Variants in KIF16B observed in about 807,000 individuals in gnomAD.
KIF16B encodes kinesin family member 16B.
Under a neutral mutation model 156.3 loss-of-function variants are expected in KIF16B, and 98 were observed. The observed-to-expected ratio is 0.63, with a 90% CI of 0.53 to 0.74. The LOEUF is 0.74. KIF16B is among the 30% of genes least tolerant of loss of function. KIF16B has a pLI of 0.00. For missense variants in KIF16B, 1,421 were observed against 1,606.5 expected (o/e 0.88, Z 1.97); for synonymous variants, 564 against 583.7 (o/e 0.97, Z 0.49).
intron 10 of KIF16B, among the ~76,000 whole-genome samples, chr20:16,501,037 T>C (rs1417886445): frequency 6.6e-6 from 1 of 152,136 alleles, no homozygotes; most frequent in East Asian, 1.9e-4. Flanking sequence ...TACATTTAAA[T>C]ATAATAAAAG....
chr20:16,382,122 G>T, intron 17 of KIF16B: 1 of 1,353,896 alleles, frequency 7.4e-7, no homozygotes, highest in South Asian at 1.2e-5. Context: ...TCCTTTTATA[G>T]GGAAAAGACT....
chr20:16,285,479 C>T (rs2063209773), intron 25 of KIF16B, among the ~76,000 whole-genome samples: 1 of 152,102 alleles, frequency 6.6e-6, no homozygotes, highest in South Asian at 2.1e-4. Flanking sequence ...AGTTTTTTTG[C>T]GTATCTTTCT....
intron 22 of KIF16B, among the ~76,000 whole-genome samples, chr20:16,361,283 A>G (rs1371894155): frequency 9.2e-5 from 14 of 152,188 alleles, no homozygotes. Context: ...AGAGACGACG[A>G]AGATTTGGGG....
chr20:16,371,217 T>G (rs1319357844), intron 21 of KIF16B, among the ~76,000 whole-genome samples: 6 of 152,178 alleles, frequency 3.9e-5, no homozygotes, highest in Non-Finnish European at 5.9e-5. Context: ...TCTAGAACAT[T>G]CCACATCTGA....
chr20:16,361,384 T>C (rs2064549098), intron 22 of KIF16B, among the ~76,000 whole-genome samples: 1 of 152,176 alleles, frequency 6.6e-6, no homozygotes, highest in African/African-American at 2.4e-5. Context: ...CAAGCACAAA[T>C]GATGTATATG....
At chr20:16,443,779 C>A (rs2066864046) in intron 12 of KIF16B, among the ~76,000 whole-genome samples, 1 of 151,980 alleles carries the variant, frequency 6.6e-6, no homozygotes, top group East Asian at 1.9e-4. Context: ...TGCATATGGC[C>A]CCAATAGTTT....
intron 12 of KIF16B, among the ~76,000 whole-genome samples, chr20:16,486,978 G>T (rs2068135030): frequency 6.6e-6 from 1 of 152,070 alleles, no homozygotes; most frequent in South Asian, 2.1e-4. Context: ...TTTAGGCCAG[G>T]CACCATGGCT....
intron 12 of KIF16B, among the ~76,000 whole-genome samples, chr20:16,492,509 A>G (rs1349636250): frequency 6.6e-6 from 1 of 152,234 alleles, no homozygotes; most frequent in East Asian, 1.9e-4. Flanking sequence ...TTCTCCTATG[A>G]AAAGTCATAA....
intron 12 of KIF16B, among the ~76,000 whole-genome samples, chr20:16,444,297 G>A (rs2066876249): frequency 6.6e-6 from 1 of 152,146 alleles, no homozygotes; most frequent in Non-Finnish European, 1.5e-5. Context: ...AACTATGGCT[G>A]AAGGCCAAAT....
intron 12 of KIF16B, among the ~76,000 whole-genome samples, chr20:16,490,538 T>C (rs1281634059): frequency 6.6e-6 from 1 of 151,830 alleles, no homozygotes; most frequent in African/African-American, 2.4e-5. Flanking sequence ...CACAACTCCA[T>C]CTCAAAAATA....
chr20:16,360,667 C>T (rs60332405), intron 22 of KIF16B, among the ~76,000 whole-genome samples: 8,605 of 152,128 alleles, frequency 0.057, 814 homozygotes, highest in African/African-American at 0.2. Flanking sequence ...AAGTTAAATA[C>T]AAAAAATATT....
intron 25 of KIF16B, among the ~76,000 whole-genome samples, chr20:16,284,654 G>A (rs1208550967): frequency 2.0e-5 from 3 of 152,074 alleles, no homozygotes; most frequent in African/African-American, 7.2e-5. Flanking sequence ...CACAATCACA[G>A]TTCCTCACGA....
chr20:16,481,422 C>A (rs1485504173), intron 12 of KIF16B, among the ~76,000 whole-genome samples: 1 of 152,122 alleles, frequency 6.6e-6, no homozygotes, highest in Admixed American at 6.5e-5. Flanking sequence ...AACTCCTGGC[C>A]TCAAGCAATC....
chr20:16,518,843 C>T (rs1309129260), intron 3 of KIF16B, among the ~76,000 whole-genome samples: 1 of 152,054 alleles, frequency 6.6e-6, no homozygotes, highest in African/African-American at 2.4e-5. Context: ...CACACACACA[C>T]CATGCTACAC....
At chr20:16,340,540 T>C (rs1230790684) in intron 23 of KIF16B, among the ~76,000 whole-genome samples, 1 of 152,218 alleles carries the variant, frequency 6.6e-6, no homozygotes, top group Non-Finnish European at 1.5e-5. Flanking sequence ...AGCCCCCAGA[T>C]GGACTTGTCT....
At chr20:16,312,241 G>T in intron 25 of KIF16B, 94 bp downstream of exon 25, 1 of 853,932 alleles carries the variant, frequency 1.2e-6, no homozygotes. Context: ...TCACACTTGT[G>T]AAGAAATTTA....
At chr20:16,500,744 T>C (rs1477705609) in intron 10 of KIF16B, among the ~76,000 whole-genome samples, 1 of 152,170 alleles carries the variant, frequency 6.6e-6, no homozygotes, top group Non-Finnish European at 1.5e-5. Flanking sequence ...CACCATATAA[T>C]TGAGTTTTAC....
chr20:16,491,563 T>C (rs1046287747), intron 12 of KIF16B, among the ~76,000 whole-genome samples: 1 of 152,180 alleles, frequency 6.6e-6, no homozygotes, highest in Non-Finnish European at 1.5e-5. Flanking sequence ...TCTGTTAACT[T>C]GGATATAAGG....
intron 24 of KIF16B, among the ~76,000 whole-genome samples, chr20:16,317,213 T>G (rs1010953745): frequency 3.9e-5 from 6 of 152,214 alleles, no homozygotes; most frequent in Non-Finnish European, 8.8e-5. Flanking sequence ...AGTTTTGATT[T>G]TCATGAGAAG....
Sources: gnomAD v4.1 joint callset for allele counts (sites outside exome capture counted in the v4.1 genomes callset) on GRCh38, gnomAD v4.1.1 for gene constraint, MANE v1.5 for transcripts, NCBI Gene and HGNC (gene_info 2026-07-23, HGNC 2026-07-21) for gene names.